The following ARHGEF10 variants were observed in gnomAD, a reference collection of about 807,000 sequenced individuals.
ARHGEF10 encodes Rho guanine nucleotide exchange factor 10.
Under a neutral mutation model 147.4 loss-of-function variants are expected in ARHGEF10, and 140 were observed. The observed-to-expected ratio is 0.95, with a 90% CI of 0.83 to 1.09. The LOEUF is 1.09. Among genes scored for constraint, ARHGEF10 ranks in the 50% least tolerant of loss-of-function variants. The probability of loss-of-function intolerance (pLI) is 0.00; values close to 1 mark genes in which losing one functional copy is unlikely to be tolerated. For synonymous variants in ARHGEF10, 902 were observed against 695.8 expected (o/e 1.30, Z -4.67); for missense variants, 2,222 against 1,752.7 (o/e 1.27, Z -4.78).
chr8:1,841,237 G>T (rs910957049), intron 1 of ARHGEF10, among the ~76,000 whole-genome samples: 2 of 146,816 alleles, frequency 1.4e-5, no homozygotes, highest in South Asian at 4.4e-4. Context: ...CGCTGGCGAG[G>T]TGGACCTAAA....
intron 12 of ARHGEF10, 95 bp downstream of exon 12, chr8:1,893,741 T>C: frequency 9.5e-7 from 1 of 1,052,062 alleles, no homozygotes; most frequent in Non-Finnish European, 1.5e-6. Flanking sequence ...TATATGTTTA[T>C]GAAACATAAC....
intron 22 of ARHGEF10, among the ~76,000 whole-genome samples, chr8:1,925,790 C>G (rs768301960): frequency 2.6e-5 from 4 of 152,190 alleles, no homozygotes; most frequent in Non-Finnish European, 4.4e-5. Context: ...GGTACCGTGC[C>G]CGCTCTTTGC....
In ARHGEF10 at chr8:1,835,932, G is replaced by A. The variant is rs181623900; in HGVS notation, c.-47-7421G>A. Among the ~76,000 whole-genome samples the A allele has an allele frequency of 5.5e-4, 83 of 152,192 alleles. 2 individuals are homozygous for A. The highest frequency in any genetic ancestry group is 2.0e-3 in the Admixed American group (31 of 15,292). On this transcript the variant is annotated intron_variant, in intron 1 of 28. Coordinates refer to ENST00000349830, the MANE Select transcript of ARHGEF10 (RefSeq NM_014629.4). The stretch of plus-strand genomic sequence containing the variant: ...CGCCGTGGCTCACACCTGTAATCCC[G>A]GCACTTTGGGAGGCCGAGGCGGGCA...
chr8:1,952,419 C>G (rs1815130794), intron 27 of ARHGEF10, among the ~76,000 whole-genome samples: 2 of 152,238 alleles, frequency 1.3e-5, no homozygotes, highest in Non-Finnish European at 1.5e-5. Context: ...TGATTCATGG[C>G]TGAAGCGGCC....
chr8:1,932,486 CGT>C lies in ARHGEF10; in HGVS notation c.3080-1304_3080-1303del, dbSNP rs540878253. On this transcript the variant is annotated intron_variant, in intron 25 of 28. Transcript: ENST00000349830. ...TGTGTGTATGTGTGTGACATGTGCA[CGT>C]GTGTGTGTGCATATGGCATGTGCAC... Among the ~76,000 whole-genome samples, 299 of 151,302 alleles carry C rather than the reference CGT, an allele frequency of 2.0e-3. 3 individuals are homozygous for C. The highest frequency in any genetic ancestry group is 6.8e-3 in the African/African-American group (283 of 41,384).
In ARHGEF10 at chr8:1,846,620, C is replaced by G. The variant is rs80082532; in HGVS notation, c.37+3184C>G. Among the ~76,000 whole-genome samples the G allele has an allele frequency of 2.9e-3, 446 of 152,258 alleles. 5 individuals carry two copies. Among genetic ancestry groups the G allele is most frequent in the Admixed American group, 9.3e-3 (142 of 15,304 alleles). On this transcript the variant is annotated intron_variant, in intron 2 of 28. Coordinates refer to ENST00000349830, the MANE Select transcript of ARHGEF10 (RefSeq NM_014629.4). ...TGAGACGGAGTCTCGCTCTCTCACC[C>G]AGGCTGGAGTGAAGTGGTGTGATCT...
intron 4 of ARHGEF10, among the ~76,000 whole-genome samples, chr8:1,860,461 C>T (rs995940879): frequency 2.1e-5 from 3 of 146,298 alleles, no homozygotes; most frequent in Non-Finnish European, 4.5e-5. Flanking sequence ...ACCTTCCCTC[C>T]TCCTCCTCTC....
At chr8:1,856,463 C>G (rs1358396755) in intron 2 of ARHGEF10, among the ~76,000 whole-genome samples, 1 of 152,122 alleles carries the variant, frequency 6.6e-6, no homozygotes, top group African/African-American at 2.4e-5. Context: ...AAAAGGCACT[C>G]CTAGAATGTA....
intron 7 of ARHGEF10, chr8:1,870,692 C>G (rs189360805): frequency 9.6e-4 from 146 of 152,230 alleles, no homozygotes; most frequent in African/African-American, 3.5e-3. Flanking sequence ...CTCATATGCA[C>G]CTAACAGCAT....
intron 2 of ARHGEF10, among the ~76,000 whole-genome samples, chr8:1,846,707 G>C (rs1304711528): frequency 6.6e-6 from 1 of 152,122 alleles, no homozygotes; most frequent in Non-Finnish European, 1.5e-5. Context: ...CTCCTGAGTA[G>C]CTGGGATTAT....
At chr8:1,870,216 G>C (rs557252620) in intron 7 of ARHGEF10, 1 of 149,406 alleles carries the variant, frequency 6.7e-6, no homozygotes, top group Admixed American at 6.7e-5. Context: ...TTTTTCAGGG[G>C]GAGGATCTTG....
In ARHGEF10 at chr8:1,888,694, TA is replaced by T. The variant is rs1334537799; in HGVS notation, c.1182+2988del. 1.4e-4 allele frequency among the ~76,000 whole-genome samples: 12 copies of T among 86,154 alleles called. 4 individuals carry two copies. The highest frequency in any genetic ancestry group is 9.0e-4 in the African/African-American group (12 of 13,388). The allele number at this position is 86,154 out of a possible 152,430, so 56.5% of individuals were successfully genotyped here. On this transcript the variant is annotated intron_variant, in intron 11 of 28. Transcript: ENST00000349830. The stretch of plus-strand genomic sequence containing the variant: ...TGAGGGTTTGTGAGGAGACACTGAA[TA>T]GGGTGAGGTTTGTGAGGAGACACTG...
intron 10 of ARHGEF10, among the ~76,000 whole-genome samples, chr8:1,883,772 C>A (rs1808415192): frequency 6.6e-6 from 1 of 151,822 alleles, no homozygotes; most frequent in Non-Finnish European, 1.5e-5. Context: ...GAGGAGGTGG[C>A]CATATTACAC....
chr8:1,882,157 G>A (rs974885804), intron 9 of ARHGEF10, among the ~76,000 whole-genome samples: 2 of 152,300 alleles, frequency 1.3e-5, no homozygotes, highest in Non-Finnish European at 2.9e-5. Flanking sequence ...ATTCAGCCCC[G>A]TGGCTGGAGC....
chr8:1,879,347 A>G (rs920730759), intron 8 of ARHGEF10, among the ~76,000 whole-genome samples: 3 of 152,188 alleles, frequency 2.0e-5, no homozygotes, highest in East Asian at 1.9e-4. Context: ...AAATACAAGT[A>G]TCTTTTGCTT....
intron 18 of ARHGEF10, among the ~76,000 whole-genome samples, chr8:1,911,219 T>C (rs907871715): frequency 4.6e-5 from 7 of 152,230 alleles, no homozygotes. Context: ...TTTGGTGTTA[T>C]ATCTCCAGTT....
chr8:1,903,532 A>G (rs1810649514), intron 16 of ARHGEF10, 81 bp downstream of exon 16: 1 of 1,551,034 alleles, frequency 6.4e-7, no homozygotes, highest in Admixed American at 1.7e-5. Flanking sequence ...AGCAATACTA[A>G]TCTTTTGGAT....
intron 2 of ARHGEF10, among the ~76,000 whole-genome samples, chr8:1,846,446 A>C (rs926481200): frequency 6.6e-6 from 1 of 152,266 alleles, no homozygotes; most frequent in Non-Finnish European, 1.5e-5. Flanking sequence ...ATCAGGATCC[A>C]GCAGGAAGTT....
chr8:1,917,792 T>C (rs1811869581), intron 18 of ARHGEF10, among the ~76,000 whole-genome samples: 1 of 152,120 alleles, frequency 6.6e-6, no homozygotes, highest in Non-Finnish European at 1.5e-5. Flanking sequence ...TTCTTTTTTT[T>C]GAGATGGAGT....
Sources: gnomAD v4.1 joint callset for allele counts (sites outside exome capture counted in the v4.1 genomes callset) on GRCh38, gnomAD v4.1.1 for gene constraint, MANE v1.5 for transcripts, NCBI Gene and HGNC (gene_info 2026-07-23, HGNC 2026-07-21) for gene names.